SYT6: variants seen among roughly 807,000 people sequenced by gnomAD.
SYT6 encodes the protein synaptotagmin 6.
In SYT6, 24 loss-of-function variants were observed where a neutral mutation model predicts 38.4. That is an observed-to-expected ratio of 0.62 (90% CI 0.45 to 0.88). SYT6 has a LOEUF of 0.88. Among genes scored for constraint, SYT6 ranks in the 40% least tolerant of loss-of-function variants. The pLI, the probability that SYT6 is intolerant of heterozygous loss-of-function variation, is 0.00. For missense variants in SYT6, 611 were observed against 621.0 expected (o/e 0.98, Z 0.17); for synonymous variants, 265 against 241.9 (o/e 1.10, Z -0.89).
intron 3 of SYT6, among the ~76,000 whole-genome samples, chr1:114,129,569 TTTC>T (rs1181596118): frequency 3.2e-5 from 2 of 61,786 alleles, no homozygotes; most frequent in African/African-American, 1.2e-4. Flanking sequence ...CTTTCTTTTC[TTTC>T]TTTCTTTCTT....
At chr1:114,107,945 C>T (rs74112927) in intron 3 of SYT6, among the ~76,000 whole-genome samples, 2,605 of 152,314 alleles carry the variant, frequency 0.017, 67 homozygotes, top group African/African-American at 0.059. Flanking sequence ...CTTAGGGCCC[C>T]TGACTGGTAA....
intron 5 of SYT6, among the ~76,000 whole-genome samples, chr1:114,098,666 G>C (rs1385791271): frequency 2.6e-5 from 4 of 152,212 alleles, no homozygotes; most frequent in Non-Finnish European, 5.9e-5. Flanking sequence ...TGTGTCCTTA[G>C]TATGTTGACC....
chr1:114,118,579 C>T (rs1274314717), intron 3 of SYT6, among the ~76,000 whole-genome samples: 6 of 152,214 alleles, frequency 3.9e-5, no homozygotes, highest in Admixed American at 6.5e-5. Flanking sequence ...GGCCACAGCA[C>T]GCAGGCCATG....
Position 114,122,506 on chromosome 1 carries a change from T to TGTGTGTGTGTGCGCGCGCGC in SYT6, c.1071+14988_1071+14989insGCGCGCGCGCACACACACAC, listed in dbSNP as rs60780339. 4.7e-5 allele frequency among the ~76,000 whole-genome samples: 7 copies of TGTGTGTGTGTGCGCGCGCGC among 147,406 alleles called. No individual in the cohort carries two copies. In the Middle Eastern group the frequency reaches 0.011, roughly 222 times the overall value. ...TTGTGTGTGTGTGTGTGTGTGTGTG[T>TGTGTGTGTGTGCGCGCGCGC]GCGCGCACATGAGCATATGCACACA... is the stretch of plus-strand genomic sequence containing the variant. On this transcript the variant is annotated intron_variant, in intron 3 of 7. Transcript: ENST00000610222.
chr1:114,128,583 G>A (rs1303558654), intron 3 of SYT6, among the ~76,000 whole-genome samples: 3 of 152,252 alleles, frequency 2.0e-5, no homozygotes, highest in South Asian at 2.1e-4. Flanking sequence ...TTCCCCACTC[G>A]GGTTCCACCA....
chr1:114,107,997 C>T (rs1287315630), intron 3 of SYT6, among the ~76,000 whole-genome samples: 1 of 152,208 alleles, frequency 6.6e-6, no homozygotes, highest in Non-Finnish European at 1.5e-5. Context: ...GTCCAGAAAG[C>T]AGCAGAAACC....
At position 114,130,865 on chromosome 1, in the gene SYT6, C is replaced by T. The variant is rs138052158; in HGVS notation, c.1071+6630G>A. 4.7e-3 allele frequency among the ~76,000 whole-genome samples: 721 copies of T among 152,330 alleles called. 6 individuals are homozygous for T. Among genetic ancestry groups the T allele is most frequent in the African/African-American group, 0.014 (592 of 41,562 alleles). On this transcript the variant is annotated intron_variant, in intron 3 of 7. Coordinates refer to ENST00000610222, the MANE Select transcript of SYT6 (RefSeq NM_001253772.2). ...AGATCCAAGATGGACACTTCGAAGG[C>T]GTTGTCTCAAACTGCTAGTCAATGA...
chr1:114,112,585 G>A (rs753392895), intron 3 of SYT6, among the ~76,000 whole-genome samples: 6 of 152,224 alleles, frequency 3.9e-5, no homozygotes, highest in African/African-American at 4.8e-5. Flanking sequence ...CTTGAGAGGA[G>A]TGGAGTTTGG....
intron 1 of SYT6, among the ~76,000 whole-genome samples, chr1:114,150,914 T>C (rs1217378231): frequency 6.6e-6 from 1 of 152,174 alleles, no homozygotes; most frequent in East Asian, 1.9e-4. Flanking sequence ...TCTCAGCAAA[T>C]GACAGTGGAG....
At chr1:114,117,727 A>T (rs1677083803) in intron 3 of SYT6, among the ~76,000 whole-genome samples, 1 of 152,192 alleles carries the variant, frequency 6.6e-6, no homozygotes, top group South Asian at 2.1e-4. Flanking sequence ...CTTAAGGGAA[A>T]AATTAAGCTG....
intron 5 of SYT6, among the ~76,000 whole-genome samples, chr1:114,098,885 G>A (rs1196689938): frequency 2.0e-5 from 3 of 152,228 alleles, no homozygotes; most frequent in African/African-American, 2.4e-5. Context: ...GACGGAGATA[G>A]GCCAGTTGGG....
At chr1:114,092,733 G>A (rs1351330076) in intron 7 of SYT6, among the ~76,000 whole-genome samples, 2 of 152,156 alleles carry the variant, frequency 1.3e-5, no homozygotes, top group Non-Finnish European at 2.9e-5. Flanking sequence ...TGTGAAAGGG[G>A]TGATGTAATG....
intron 1 of SYT6, among the ~76,000 whole-genome samples, chr1:114,146,653 C>T (rs1375193304): frequency 6.6e-6 from 1 of 152,184 alleles, no homozygotes; most frequent in Non-Finnish European, 1.5e-5. Context: ...GAGGGCTCAG[C>T]CCAGCACTGA....
In SYT6 at chr1:114,153,660, C is replaced by T; in HGVS notation, c.113G>A (p.Arg38Gln). ...PPLGLDVETC[R>Q]SFELQPPERS... ...CTCTGGGGGCTGCAGCTCGAAGCTCCGACAAGTCTCCACGTCCAGCCCGAG... is the reference window on the plus strand; with the variant it reads ...CTCTGGGGGCTGCAGCTCGAAGCTCTGACAAGTCTCCACGTCCAGCCCGAG... Residue 38 changes from arginine (R) to glutamine (Q), a missense_variant, in exon 1 of 8, where the codon CGG becomes CAG. By Grantham distance (43) the Arg-to-Gln change is conservative. Coordinates refer to ENST00000610222, the MANE Select transcript of SYT6 (RefSeq NM_001253772.2). The T allele has an allele frequency of 1.5e-6, 1 of 661,626 alleles. No homozygotes were observed. Among genetic ancestry groups the T allele is most frequent in the Non-Finnish European group, 2.8e-6 (1 of 363,218 alleles). The allele number at this position is 661,626 out of a possible 1,614,324, so 41.0% of individuals were successfully genotyped here. A position where few individuals can be genotyped will look rare whatever the true frequency, so the allele number is the denominator to read the frequency against.
At chr1:114,114,231 T>C (rs1357850103) in intron 3 of SYT6, among the ~76,000 whole-genome samples, 3 of 152,246 alleles carry the variant, frequency 2.0e-5, no homozygotes, top group Non-Finnish European at 2.9e-5. Context: ...GTCAGGTTCA[T>C]GCATGTATCC....
intron 3 of SYT6, among the ~76,000 whole-genome samples, chr1:114,123,144 A>G (rs1200263929): frequency 6.6e-6 from 1 of 152,186 alleles, no homozygotes; most frequent in Non-Finnish European, 1.5e-5. Context: ...AGGGCCCTGC[A>G]GGAGTGACTC....
chr1:114,100,248 G>C (rs970022860), intron 4 of SYT6, among the ~76,000 whole-genome samples: 9 of 152,192 alleles, frequency 5.9e-5, no homozygotes, highest in African/African-American at 2.2e-4. Context: ...GCGGCTCACA[G>C]GTAATAATAG....
intron 3 of SYT6, among the ~76,000 whole-genome samples, chr1:114,135,209 C>G (rs1379148725): frequency 6.6e-6 from 1 of 152,032 alleles, no homozygotes; most frequent in Non-Finnish European, 1.5e-5. Context: ...CTGGAATGCT[C>G]CCCCTTCCTC....
chr1:114,137,434 A>C (rs1678546511), intron 3 of SYT6, 61 bp downstream of exon 3: 4 of 1,548,136 alleles, frequency 2.6e-6, no homozygotes, highest in Non-Finnish European at 3.5e-6. Flanking sequence ...GTTTGGGGAC[A>C]TGTCCCACCC....
Sources: gnomAD v4.1 joint callset for allele counts (sites outside exome capture counted in the v4.1 genomes callset) on GRCh38, gnomAD v4.1.1 for gene constraint, MANE v1.5 for transcripts, NCBI Gene and HGNC (gene_info 2026-07-23, HGNC 2026-07-21) for gene names.